DUSP22: variants seen among roughly 807,000 people sequenced by gnomAD.
The protein encoded by DUSP22 is dual specificity protein phosphatase 22.
Under a neutral mutation model 24.5 loss-of-function variants are expected in DUSP22, and 24 were observed. The observed-to-expected ratio is 0.98, with a 90% CI of 0.71 to 1.38. The LOEUF is 1.38. DUSP22 is among the 40% of genes most tolerant of loss of function. The pLI is 0.00. For missense variants in DUSP22, 330 were observed against 269.2 expected, an observed-to-expected ratio of 1.23 and a Z score of -1.58; for synonymous variants, 160 against 106.4, an observed-to-expected ratio of 1.50 and a Z score of -3.10.
chr6:324,304 G>A (rs1414362611), intron 3 of DUSP22, among the ~76,000 whole-genome samples: 1 of 152,302 alleles, frequency 6.6e-6, no homozygotes, highest in Admixed American at 6.5e-5. Flanking sequence ...TGGAGGGCTT[G>A]GAGGAGTGCC....
intron 1 of DUSP22, among the ~76,000 whole-genome samples, chr6:295,281 T>C (rs1414158521): frequency 6.6e-6 from 1 of 152,294 alleles, no homozygotes; most frequent in East Asian, 1.9e-4. Flanking sequence ...ATTTCTGGTC[T>C]AAACAGTGCA....
chr6:305,672 G>A (rs995527094), intron 2 of DUSP22, among the ~76,000 whole-genome samples: 1 of 152,306 alleles, frequency 6.6e-6, no homozygotes, highest in African/African-American at 2.4e-5. Context: ...CCCCTGCCAG[G>A]TGACCTTCAG....
rs931767903 is a variant in DUSP22 at position 302,817 on chromosome 6, C to T, written c.22-1811C>T. 3.3e-5 allele frequency among the ~76,000 whole-genome samples: 5 copies of T among 152,296 alleles called. No homozygotes were observed. In the South Asian group the frequency reaches 6.2e-4, roughly 19 times the overall value. ...TCGAGACCATCACAACAGGGGAGGA[C>T]GCGACTCCAATATGGCAGGAACAAG... On this transcript the variant is annotated intron_variant, in intron 1 of 6. Coordinates refer to ENST00000419235, the MANE Select transcript of DUSP22 (RefSeq NM_001286555.3).
intron 1 of DUSP22, among the ~76,000 whole-genome samples, chr6:302,268 C>T (rs986925572): frequency 4.6e-5 from 7 of 152,308 alleles, no homozygotes; most frequent in Non-Finnish European, 4.4e-5. Flanking sequence ...CAGCCCCACA[C>T]ATCTTAGGCG....
chr6:343,632 G>A (rs1208232111), intron 4 of DUSP22, among the ~76,000 whole-genome samples: 2 of 20,626 alleles, frequency 9.7e-5, no homozygotes, highest in Non-Finnish European at 2.0e-4. Context: ...TGCTTGTGGT[G>A]ACCCTTGCAG....
Position 350,558 on chromosome 6 carries a change from A to AT in DUSP22, c.*1609dup. Reference sequence around the variant, plus strand: ...GGACCGGGAAAAACAAAGTTGCCTGATTCCGCGCAGGTGCACAGGCCCCGG... The same window carrying AT: ...GGACCGGGAAAAACAAAGTTGCCTGATTTCCGCGCAGGTGCACAGGCCCCGG... On this transcript the variant is annotated 3_prime_UTR_variant, in exon 7 of 7. Coordinates refer to ENST00000419235, the MANE Select transcript of DUSP22 (RefSeq NM_001286555.3). 1 of 1,376,174 alleles carries AT rather than the reference A, an allele frequency of 7.3e-7. No individual in the cohort carries two copies. Among genetic ancestry groups the AT allele is most frequent in the African/African-American group, 1.5e-5 (1 of 68,786 alleles). The allele number at this position is 1,376,174 out of a possible 1,614,324, so 85.2% of individuals were successfully genotyped here.
intron 3 of DUSP22, chr6:319,904 T>C (rs1168741846): frequency 6.6e-6 from 1 of 152,382 alleles, no homozygotes; most frequent in East Asian, 1.9e-4. Context: ...TTTAAATAGA[T>C]ATGACTCAAA....
intron 3 of DUSP22, among the ~76,000 whole-genome samples, chr6:322,125 A>ATAGTGTATACATATCTACG (rs1758622036): frequency 6.6e-6 from 1 of 152,306 alleles, no homozygotes; most frequent in African/African-American, 2.4e-5. Context: ...ACATATCTAC[A>ATAGTGTATACATATCTACG]TAGTGTATAC....
intron 3 of DUSP22, among the ~76,000 whole-genome samples, chr6:312,628 G>T (rs1297087010): frequency 1.3e-5 from 2 of 152,302 alleles, no homozygotes; most frequent in Non-Finnish European, 1.5e-5. Context: ...AATGCTGTGT[G>T]GTTGTGATGT....
chr6:323,072 G>T (rs1758684812), intron 3 of DUSP22, among the ~76,000 whole-genome samples: 1 of 152,302 alleles, frequency 6.6e-6, no homozygotes, highest in Non-Finnish European at 1.5e-5. Flanking sequence ...GCCCACACCT[G>T]CAAGGGAAGT....
At chr6:311,652 C>A (rs959577355) in intron 2 of DUSP22, among the ~76,000 whole-genome samples, 2 of 152,232 alleles carry the variant, frequency 1.3e-5, no homozygotes, top group South Asian at 4.1e-4. Context: ...TGCACTCCAG[C>A]CTGGGCGACA....
intron 1 of DUSP22, among the ~76,000 whole-genome samples, chr6:301,184 A>G (rs933481390): frequency 5.3e-5 from 8 of 152,296 alleles, no homozygotes; most frequent in African/African-American, 1.9e-4. Flanking sequence ...AACCTAGGAA[A>G]GGGTTTCAGA....
chr6:304,711 T>A, intron 2 of DUSP22, 50 bp downstream of exon 2: 1 of 1,610,474 alleles, frequency 6.2e-7, no homozygotes, highest in South Asian at 1.1e-5. Context: ...TAACATAAAA[T>A]GTGTCATCTT....
At chr6:310,064 G>C (rs994387577) in intron 2 of DUSP22, among the ~76,000 whole-genome samples, 1 of 152,300 alleles carries the variant, frequency 6.6e-6, no homozygotes. Context: ...GGGTTCAAGC[G>C]ATTCTCCTAC....
chr6:307,850 A>G (rs1237011761), intron 2 of DUSP22, among the ~76,000 whole-genome samples: 1 of 152,304 alleles, frequency 6.6e-6, no homozygotes, highest in East Asian at 1.9e-4. Flanking sequence ...CCTGGTGGGT[A>G]CCCAGTTGTT....
intron 3 of DUSP22, among the ~76,000 whole-genome samples, chr6:332,674 T>C (rs909481483): frequency 1.3e-5 from 2 of 152,024 alleles, no homozygotes; most frequent in Admixed American, 1.3e-4. Context: ...CCTCTTGATA[T>C]ATAGACTAGG....
intron 3 of DUSP22, among the ~76,000 whole-genome samples, chr6:334,164 C>T (rs1759263378): frequency 6.6e-6 from 1 of 152,302 alleles, no homozygotes. Context: ...TGCTTTTATT[C>T]TCCAAGGTTG....
At chr6:327,593 C>T (rs1459026432) in intron 3 of DUSP22, among the ~76,000 whole-genome samples, 2 of 152,302 alleles carry the variant, frequency 1.3e-5, no homozygotes. Flanking sequence ...GAGACTGGCC[C>T]TTCACACGCA....
chr6:295,115 G>A (rs912761283), intron 1 of DUSP22, among the ~76,000 whole-genome samples: 16 of 152,406 alleles, frequency 1.0e-4, no homozygotes, highest in South Asian at 2.1e-4. Context: ...CAGAATCAGC[G>A]GAAGGTGCTA....
Sources: gnomAD v4.1 joint callset for allele counts (sites outside exome capture counted in the v4.1 genomes callset) on GRCh38, gnomAD v4.1.1 for gene constraint, MANE v1.5 for transcripts, NCBI Gene and HGNC (gene_info 2026-07-23, HGNC 2026-07-21) for gene names.